The following KASH5 variants were observed in gnomAD, a reference collection of about 807,000 sequenced individuals.
KASH5 encodes the protein protein KASH5.
In KASH5, 72 loss-of-function variants were observed where a neutral mutation model predicts 84.2. That is an observed-to-expected ratio of 0.85 (90% CI 0.71 to 1.04). KASH5 has a LOEUF of 1.04. KASH5 is among the 50% of genes least tolerant of loss of function. KASH5 has a pLI of 0.00. For missense variants in KASH5, 650 were observed against 701.0 expected, an observed-to-expected ratio of 0.93 and a Z score of 0.82; for synonymous variants, 260 against 279.1, an observed-to-expected ratio of 0.93 and a Z score of 0.68.
intron 15 of KASH5, among the ~76,000 whole-genome samples, chr19:49,411,082 G>A (rs1188538110): frequency 6.6e-6 from 1 of 151,996 alleles, no homozygotes; most frequent in Non-Finnish European, 1.5e-5. Flanking sequence ...TGCAACCACA[G>A]GCATGTGCCA....
rs554580128 is a variant in KASH5 at position 49,412,487 on chromosome 19, A to T, written c.1270-481A>T. Reference sequence around the variant, plus strand: ...GGATTGCGTTTAGAAAACAATGGCAAGTTGGTTGCTGAGGTCAAGGGCAAT... The same window carrying T: ...GGATTGCGTTTAGAAAACAATGGCATGTTGGTTGCTGAGGTCAAGGGCAAT... On this transcript the variant is annotated intron_variant, in intron 15 of 19. Transcript: ENST00000447857. The surrounding 1 kb of genome is among the most constrained non-coding windows in gnomAD (Gnocchi z 4.6). Among the ~76,000 whole-genome samples the T allele has an allele frequency of 6.6e-6, 1 of 152,282 alleles. No homozygotes were observed. Among genetic ancestry groups the T allele is most frequent in the East Asian group, 1.9e-4 (1 of 5,182 alleles).
intron 17 of KASH5, chr19:49,415,660 G>GC (rs1453027503): frequency 6.3e-6 from 1 of 159,976 alleles, no homozygotes; most frequent in East Asian, 1.9e-4. Context: ...CAGCACCCTG[G>GC]CCCCGAAGCC....
At chr19:49,396,516 A>C (rs1041832932) in intron 5 of KASH5, among the ~76,000 whole-genome samples, 3 of 152,144 alleles carry the variant, frequency 2.0e-5, no homozygotes, top group Non-Finnish European at 4.4e-5. Flanking sequence ...GGCCTCCCAA[A>C]GTGCTGGGAT....
intron 3 of KASH5, 27 bp downstream of exon 3, chr19:49,394,607 G>A (rs570304611): frequency 6.4e-7 from 1 of 1,566,404 alleles, no homozygotes; most frequent in South Asian, 1.1e-5. Flanking sequence ...GGGTGCTGGG[G>A]ACCAGTGCGG....
Position 49,409,013 on chromosome 19 carries a change from C to T in KASH5, c.1040C>T (p.Thr347Ile), listed in dbSNP as rs1430325860. ...ISRLEEQLSQ[T>I]YEGPDELPEG... ...CGCCTGGAGGAGCAGCTGAGTCAGA[C>T]CTATGAGGGGCCCGATGAGTGAGTG... Residue 347 changes from threonine (T) to isoleucine (I), a missense_variant, in exon 13 of 20, where the codon ACC (threonine) becomes ATC (isoleucine). Transcript: ENST00000447857. 7 of 1,593,474 alleles carry T rather than the reference C, an allele frequency of 4.4e-6. No homozygotes were observed. The highest frequency in any genetic ancestry group is 6.0e-6 in the Non-Finnish European group (7 of 1,170,212).
chr19:49,406,990 A>G, intron 10 of KASH5, 27 bp downstream of exon 10: 1 of 1,558,830 alleles, frequency 6.4e-7, no homozygotes. Context: ...GTGCCTGACA[A>G]CTTTCCACCA....
In KASH5 at chr19:49,399,484, G is replaced by T; in HGVS notation, c.775G>T (p.Glu259Ter). The change falls in exon 9 of 20, where the codon GAG becomes TAG. Residue 259 changes from glutamate (E) to a stop codon, truncating the protein, a stop_gained. Transcript: ENST00000447857. LOFTEE classifies it high-confidence loss of function. This position sits in a 1 kb window ranked among gnomAD's most constrained non-coding sequence, Gnocchi z 4.4. The stretch of plus-strand genomic sequence containing the variant: ...AAAGGAGCAGCAGCATCTGGTGGCT[G>T]AGATGGAGACTCTGCAGGAGGAGGT... Reference protein sequence around the residue: ...AEKEQQHLVAEMETLQEENGK... With the variant: ...AEKEQQHLVA The T allele has an allele frequency of 6.2e-7, 1 of 1,611,322 alleles. No homozygotes were observed.
chr19:49,398,800 T>C (rs1031288619), intron 7 of KASH5, among the ~76,000 whole-genome samples: 11 of 152,166 alleles, frequency 7.2e-5, no homozygotes, highest in African/African-American at 2.2e-4. Context: ...TAGGTCTCTT[T>C]CCCACTTCCT....
At chr19:49,407,707 C>T (rs760626562) in intron 12 of KASH5, 36 bp downstream of exon 12, 7 of 1,570,690 alleles carry the variant, frequency 4.5e-6, no homozygotes, top group Middle Eastern at 1.7e-4. Context: ...CCGCGGCCCT[C>T]GCCACTTCTC....
At chr19:49,401,182 T>C (rs1199104189) in intron 9 of KASH5, among the ~76,000 whole-genome samples, 1 of 152,200 alleles carries the variant, frequency 6.6e-6, no homozygotes, top group Non-Finnish European at 1.5e-5. Context: ...CTCCACCACT[T>C]CCACACCCTT....
intron 1 of KASH5, among the ~76,000 whole-genome samples, chr19:49,389,142 CAAG>C (rs1973913935): frequency 1.0e-5 from 1 of 98,750 alleles, no homozygotes; most frequent in South Asian, 4.0e-4. Flanking sequence ...CCGCATAAAT[CAAG>C]ACCCCCAAAA....
intron 15 of KASH5, among the ~76,000 whole-genome samples, chr19:49,411,735 C>T (rs536163555): frequency 2.0e-4 from 31 of 152,210 alleles, no homozygotes; most frequent in Non-Finnish European, 3.5e-4. Context: ...TAGGAGAGAC[C>T]CTGCAAATGG....
Position 49,406,874 on chromosome 19 carries a change from T to C in KASH5, c.799-12T>C. 2 of 1,601,076 alleles carry C rather than the reference T, an allele frequency of 1.2e-6. No homozygotes were observed. Among genetic ancestry groups the C allele is most frequent in the South Asian group, 2.3e-5 (2 of 88,492 alleles). On this transcript the variant is annotated splice_polypyrimidine_tract_variant and intron_variant, in intron 9 of 19. Transcript: ENST00000447857. ...TGCTGGAATGAACGTGACCAGCCAT[T>C]CCTTCTTCTAGAACGGGAAGCTGCT... is the stretch of plus-strand genomic sequence containing the variant.
chr19:49,389,240 AC>A (rs1973919963), intron 1 of KASH5, among the ~76,000 whole-genome samples: 1 of 124,886 alleles, frequency 8.0e-6, no homozygotes, highest in African/African-American at 3.1e-5. Context: ...AGAAATCAAG[AC>A]CCCCGAAATC....
At chr19:49,415,976 A>G (rs1442748207) in intron 17 of KASH5, among the ~76,000 whole-genome samples, 1 of 152,172 alleles carries the variant, frequency 6.6e-6, no homozygotes, top group Admixed American at 6.5e-5. Context: ...CCGGGGAGAC[A>G]TGGGGGATGA....
chr19:49,408,259 C>A (rs1974595988), intron 12 of KASH5: 1 of 163,458 alleles, frequency 6.1e-6, no homozygotes. Context: ...GTGTGGGTTC[C>A]TGTCTCTGCC....
At chr19:49,408,400 G>T (rs762081251) in intron 12 of KASH5, 17 of 153,594 alleles carry the variant, frequency 1.1e-4, no homozygotes, top group Non-Finnish European at 2.3e-4. Flanking sequence ...ATTTTTTCAT[G>T]CATCTCTGCC....
At chr19:49,409,620 C>T in intron 14 of KASH5, 133 bp from the exon 15 acceptor site, 1 of 1,165,830 alleles carries the variant, frequency 8.6e-7, no homozygotes, top group African/African-American at 1.5e-5. Context: ...CACTCCCCAA[C>T]CCCAGCCCCA....
intron 9 of KASH5, among the ~76,000 whole-genome samples, chr19:49,406,254 A>T (rs921774732): frequency 2.0e-5 from 3 of 152,104 alleles, no homozygotes; most frequent in African/African-American, 7.2e-5. Flanking sequence ...TGTTCTTTTG[A>T]TTTTAAAATT....
Sources: allele counts gnomAD v4.1 joint callset (sites outside exome capture counted in the v4.1 genomes callset), GRCh38; gene constraint gnomAD v4.1.1; non-coding constraint Gnocchi (gnomAD v3.1); transcripts MANE v1.5; gene names NCBI Gene and HGNC (gene_info 2026-07-23, HGNC 2026-07-21).